TRIM6: variants seen among roughly 807,000 people sequenced by gnomAD.
TRIM6 encodes tripartite motif-containing protein 6.
Under a neutral mutation model 51.2 loss-of-function variants are expected in TRIM6, and 43 were observed. The ratio of observed to expected loss-of-function variants is 0.84; its 90% confidence interval spans 0.66 to 1.08. The LOEUF (loss-of-function observed/expected upper bound fraction) is 1.08, where lower values mean the gene tolerates loss of function less well. Ranked by LOEUF, TRIM6 falls within the 50% of genes least tolerant of loss-of-function variation. The pLI is 0.00. For synonymous variants in TRIM6, 215 were observed against 232.4 expected (o/e 0.93, Z 0.68); for missense variants, 669 against 619.0 (o/e 1.08, Z -0.86).
At chr11:5,610,588 G>C (rs1358655233) in intron 7 of TRIM6, 27 bp downstream of exon 7, 1 of 1,607,854 alleles carries the variant, frequency 6.2e-7, no homozygotes, top group Non-Finnish European at 8.5e-7. Flanking sequence ...GCCTCTTTGG[G>C]CTGGCACATT....
intron 2 of TRIM6, among the ~76,000 whole-genome samples, chr11:5,604,175 T>C (rs933305751): frequency 3.0e-5 from 4 of 132,970 alleles, no homozygotes; most frequent in African/African-American, 5.1e-5. Context: ...TGTGTGTGTG[T>C]GCGTGTGTGT....
rs1295533138 is a variant in TRIM6, at chr11:5,610,779, G to C, written c.988G>C (p.Asp330His). The C allele has an allele frequency of 3.1e-6, 5 of 1,613,732 alleles. No homozygotes were observed. The highest frequency in any genetic ancestry group is 4.2e-6 in the Non-Finnish European group (5 of 1,179,860). Reference sequence around the variant, plus strand: ...TGATGTTGTACCTTTTCCTACAGTTGACGTGACCCTGAATCCACACACAGC... The same window carrying C: ...TGATGTTGTACCTTTTCCTACAGTTCACGTGACCCTGAATCCACACACAGC... Reference protein sequence around the residue: ...ELTDVQSYWVDVTLNPHTANL... With the variant: ...ELTDVQSYWVHVTLNPHTANL... Residue 330 changes from aspartate to histidine, a missense_variant and splice_region_variant, in exon 8 of 8, where the codon GAC becomes CAC. Transcript: ENST00000380097.
Position 5,596,927 on chromosome 11 carries a change from T to C in TRIM6, c.17+13T>C, listed in dbSNP as rs1410566515. 1 of 1,613,986 alleles carries C rather than the reference T, an allele frequency of 6.2e-7. No homozygotes were observed. The highest frequency in any genetic ancestry group is 1.3e-5 in the African/African-American group (1 of 74,926). ...GCGGGTCAGAGAGGTATGTCTACCG[T>C]TCTGTTGACTGGCTCTTATTGTCAC... is the stretch of plus-strand genomic sequence containing the variant. On this transcript the variant is annotated intron_variant, in intron 1 of 7. Transcript: ENST00000380097.
At chr11:5,605,232 G>T in intron 3 of TRIM6, 105 bp from the exon 4 acceptor site, 1 of 1,474,582 alleles carries the variant, frequency 6.8e-7, no homozygotes, top group African/African-American at 1.4e-5. Flanking sequence ...CTCCCTGGGA[G>T]GCTTGGCCCA....
rs1365091415 is a variant in TRIM6 at position 5,604,594 on chromosome 11, A to T, written c.568A>T (p.Thr190Ser). Reference sequence around the variant, plus strand: ...CGAGGAGCAGGAAGCTGAGAAGCTAACAGCTTTTATCAGAGAGAAGAAAAC... The same window carrying T: ...CGAGGAGCAGGAAGCTGAGAAGCTATCAGCTTTTATCAGAGAGAAGAAAAC... ...KNEEQEAEKL[T>S]AFIREKKTSW... Residue 190 changes from threonine to serine, a missense_variant, in exon 3 of 8, where the codon ACA (threonine) becomes TCA (serine). Coordinates refer to ENST00000380097, the MANE Select transcript of TRIM6 (RefSeq NM_001003818.3). The T allele has an allele frequency of 6.2e-7, 1 of 1,613,228 alleles. No individual in the cohort carries two copies. The highest frequency in any genetic ancestry group is 1.3e-5 in the African/African-American group (1 of 74,880).
At position 5,611,496 on chromosome 11, in the gene TRIM6, C is replaced by T. The variant is rs902829712; in HGVS notation, c.*154C>T. The T allele has an allele frequency of 7.1e-6, 5 of 708,366 alleles. No homozygotes were observed. In the Admixed American group the frequency reaches 1.1e-4, roughly 16 times the overall value. The allele number at this position is 708,366 out of a possible 1,614,324, so 43.9% of individuals were successfully genotyped here. The stretch of plus-strand genomic sequence containing the variant: ...TGAGATGGAATCTCGCTCTGTCGCC[C>T]AGGCTGGAGTGCACTGGCGCAATCT... On this transcript the variant is annotated 3_prime_UTR_variant, in exon 8 of 8. Transcript: ENST00000380097.
Position 5,596,891 on chromosome 11 carries a change from T to A in TRIM6, c.-7T>A, listed in dbSNP as rs1202838424. The A allele has an allele frequency of 6.2e-7, 1 of 1,613,860 alleles. No individual in the cohort carries two copies. Among genetic ancestry groups the A allele is most frequent in the Non-Finnish European group, 8.5e-7 (1 of 1,179,984 alleles). ...CATCTGGAACTTCTTGGCTTCTCAT[T>A]CCCCAGATGTGCGGGTCAGAGAGGT... On this transcript the variant is annotated 5_prime_UTR_variant, in exon 1 of 8. Coordinates refer to ENST00000380097, the MANE Select transcript of TRIM6 (RefSeq NM_001003818.3).
At position 5,611,411 on chromosome 11, in the gene TRIM6, G is replaced by T. The variant is rs1236690124; in HGVS notation, c.*69G>T. 3.7e-5 allele frequency: 46 copies of T among 1,254,208 alleles called. No homozygotes were observed. Among genetic ancestry groups the T allele is most frequent in the Non-Finnish European group, 3.4e-5 (30 of 892,014 alleles). 77.7% of individuals were successfully genotyped at this position (1,254,208 alleles called of 1,614,324 possible). A position where few individuals can be genotyped will look rare whatever the true frequency, so the allele number is the denominator to read the frequency against. ...TTATCAGCATGTGATTCTCCCTTCT[G>T]ATCTTCTGTTTTTCTGTGTTCTCAA... On this transcript the variant is annotated 3_prime_UTR_variant, in exon 8 of 8. Coordinates refer to ENST00000380097, the MANE Select transcript of TRIM6 (RefSeq NM_001003818.3).
rs1411834587 is a variant in TRIM6, at chr11:5,603,722, C to T, written c.494C>T (p.Ala165Val). 6.2e-7 allele frequency: 1 copy of T among 1,613,028 alleles called. No homozygotes were observed. ...GHHTFLVEEV[A>V]QEYQEKFQES... ...CACACGTTCCTCGTGGAGGAGGTTG[C>T]CCAGGAGTACCAGGTGAGACCCCAG... The change falls in exon 2 of 8, where the codon GCC becomes GTC. Residue 165 changes from alanine (A) to valine (V), a missense_variant. By Grantham distance (64) the Ala-to-Val change is moderately conservative. Coordinates refer to ENST00000380097, the MANE Select transcript of TRIM6 (RefSeq NM_001003818.3).
At position 5,596,870 on chromosome 11, in the gene TRIM6, T is replaced by G; in HGVS notation, c.-28T>G. 1 of 1,614,000 alleles carries G rather than the reference T, an allele frequency of 6.2e-7. No individual in the cohort carries two copies. The highest frequency in any genetic ancestry group is 1.1e-5 in the South Asian group (1 of 91,072). On this transcript the variant is annotated 5_prime_UTR_variant, in exon 1 of 8. Coordinates refer to ENST00000380097, the MANE Select transcript of TRIM6 (RefSeq NM_001003818.3). ...TTGACCACCTGATATTGCTTACATC[T>G]GGAACTTCTTGGCTTCTCATTCCCC...
chr11:5,603,609 C>A lies in TRIM6; in HGVS notation c.381C>A (p.Asp127Glu), dbSNP rs1196489248. ...AGCTGAAAGCAGTTCTTTGTGCAGA[C>A]CATGGAGAAAAACTGCAGCTCTTCT... The part of the protein sequence containing the change: ...GKQLKAVLCA[D>E]HGEKLQLFCQ... Residue 127 changes from aspartate to glutamate, a missense_variant, in exon 2 of 8, where the codon GAC (aspartate) becomes GAA (glutamate). Coordinates refer to ENST00000380097, the MANE Select transcript of TRIM6 (RefSeq NM_001003818.3). The A allele has an allele frequency of 1.2e-6, 2 of 1,613,426 alleles. No individual in the cohort carries two copies. Among genetic ancestry groups the A allele is most frequent in the Non-Finnish European group, 1.7e-6 (2 of 1,179,944 alleles).
chr11:5,605,464 T>C lies in TRIM6; in HGVS notation c.731T>C (p.Ile244Thr), dbSNP rs376005292. 4.3e-5 allele frequency: 70 copies of C among 1,614,030 alleles called. No homozygotes were observed. Among genetic ancestry groups the C allele is most frequent in the Middle Eastern group, 1.6e-4 (1 of 6,084 alleles). The change falls in exon 4 of 8, where the codon ATA becomes ACA. Residue 244 changes from isoleucine (I) to threonine (T), a missense_variant. Transcript: ENST00000380097. ...GAAGAGAAGAAGGGGCTACGAATTA[T>C]AGAAGAGGCTGAGAATGATCTGGTC... ...EQEEKKGLRI[I>T]EEAENDLVHQ...
At chr11:5,610,671 G>A (rs1241136950) in intron 7 of TRIM6, 106 bp from the exon 8 acceptor site, 103 of 1,566,908 alleles carry the variant, frequency 6.6e-5, no homozygotes, top group Non-Finnish European at 8.5e-5. Context: ...CCCCATCCCC[G>A]CCATATAGTT....
chr11:5,608,864 T>C (rs1045560643), intron 5 of TRIM6, among the ~76,000 whole-genome samples: 1 of 147,380 alleles, frequency 6.8e-6, no homozygotes, highest in Non-Finnish European at 1.5e-5. Context: ...TTTTTTTTTT[T>C]TTTTGAGACA....
chr11:5,604,260 C>T (rs146070868), intron 2 of TRIM6, among the ~76,000 whole-genome samples: 2,806 of 152,214 alleles, frequency 0.018, 27 homozygotes, highest in Middle Eastern at 0.031. Flanking sequence ...GCAATCCACC[C>T]GCCTCAGCCT....
At chr11:5,603,100 G>A (rs559076210) in intron 1 of TRIM6, 146 bp from the exon 2 acceptor site, 28 of 1,367,532 alleles carry the variant, frequency 2.0e-5, no homozygotes, top group Admixed American at 8.2e-5. Flanking sequence ...TGTATGAGCC[G>A]GGATAAAGAA....
rs971719179 is a variant in TRIM6, at chr11:5,603,541, A to G, written c.313A>G (p.Ile105Val). ...NLRPNRHLAN[I>V]VRRLREVVLG... ...GCGGCCTAATCGGCATCTGGCCAAC[A>G]TAGTGAGGCGGCTCAGAGAGGTAGT... Residue 105 changes from isoleucine to valine, a missense_variant, in exon 2 of 8, where the codon ATA becomes GTA. Ile to Val is a conservative substitution (Grantham distance 29). Transcript: ENST00000380097. 3 of 1,614,098 alleles carry G rather than the reference A, an allele frequency of 1.9e-6. No homozygotes were observed. Among genetic ancestry groups the G allele is most frequent in the Non-Finnish European group, 2.5e-6 (3 of 1,180,038 alleles).
rs957529277 is a variant in TRIM6 at position 5,604,700 on chromosome 11, G to T, written c.603+71G>T. ...CAGGTCATAGGAGCTGAGGGCAAAG[G>T]AGTCCTTGTCCTGTCTGTCCTCTGA... is the stretch of plus-strand genomic sequence containing the variant. On this transcript the variant is annotated intron_variant, in intron 3 of 7. Coordinates refer to ENST00000380097, the MANE Select transcript of TRIM6 (RefSeq NM_001003818.3). The T allele has an allele frequency of 2.8e-5, 42 of 1,512,744 alleles. No homozygotes were observed. The African/African-American group carries it at 5.2e-4, about 19-fold the overall frequency. The allele number at this position is 1,512,744 out of a possible 1,614,324, so 93.7% of individuals were successfully genotyped here. A position where few individuals can be genotyped will look rare whatever the true frequency, so the allele number is the denominator to read the frequency against.
intron 3 of TRIM6, 195 bp from the exon 4 acceptor site, chr11:5,605,142 A>G (rs545994000): frequency 4.7e-5 from 33 of 703,948 alleles, no homozygotes; most frequent in African/African-American, 2.7e-4. Flanking sequence ...CCCGGGGCCA[A>G]TGGTCTGGGC....
Sources: allele counts gnomAD v4.1 joint callset (sites outside exome capture counted in the v4.1 genomes callset), GRCh38; gene constraint gnomAD v4.1.1; transcripts MANE v1.5; gene names NCBI Gene and HGNC (gene_info 2026-07-23, HGNC 2026-07-21).